PCDHGB7: variants seen among roughly 807,000 people sequenced by gnomAD.
PCDHGB7 encodes protocadherin gamma-B7.
In PCDHGB7, 37 loss-of-function variants were observed where a neutral mutation model predicts 61.4. The ratio of observed to expected loss-of-function variants is 0.60; its 90% CI spans 0.46 to 0.79. PCDHGB7 has a LOEUF of 0.79. PCDHGB7 is among the 30% of genes least tolerant of loss of function. The pLI, the probability that PCDHGB7 is intolerant of heterozygous loss-of-function variation, is 0.00. For synonymous variants in PCDHGB7, 464 were observed against 503.5 expected (o/e 0.92, Z 1.05); for missense variants, 1,166 against 1,202.5 (o/e 0.97, Z 0.45).
rs376937850 is a variant in PCDHGB7 at position 141,491,097 on chromosome 5, C to T, written c.2416-3710C>T. The T allele has an allele frequency of 1.2e-6, 2 of 1,614,170 alleles. No homozygotes were observed. Among genetic ancestry groups the T allele is most frequent in the Non-Finnish European group, 1.7e-6 (2 of 1,180,018 alleles). On this transcript the variant is annotated intron_variant, in intron 1 of 3. Coordinates refer to ENST00000398594, the MANE Select transcript of PCDHGB7 (RefSeq NM_018927.4). The surrounding 1 kb of genome is among the most constrained non-coding windows in gnomAD (Gnocchi z 6.9). ...CACAGTCCACAGCCCCAGGACTGTT[C>T]CTCGTGTCTACACACACTGGTGAGG...
In PCDHGB7 at chr5:141,485,132, T is replaced by C. The variant is rs1020670896; in HGVS notation, c.2416-9675T>C. On this transcript the variant is annotated intron_variant, in intron 1 of 3. Transcript: ENST00000398594. This position sits in a 1 kb window ranked among gnomAD's most constrained non-coding sequence, Gnocchi z 5.7. ...GGCTGTTTGGGGCGGGTCGGCTTCATCCGCGTCTCAGGAGCAAGTAGAGAA... is the reference window on the plus strand; with the variant it reads ...GGCTGTTTGGGGCGGGTCGGCTTCACCCGCGTCTCAGGAGCAAGTAGAGAA... 8.1e-6 allele frequency: 12 copies of C among 1,489,136 alleles called. No individual in the cohort carries two copies. Among genetic ancestry groups the C allele is most frequent in the East Asian group, 2.3e-5 (1 of 44,214 alleles). The allele number at this position is 1,489,136 out of a possible 1,614,324, so 92.2% of individuals were successfully genotyped here.
intron 2 of PCDHGB7, among the ~76,000 whole-genome samples, chr5:141,500,705 T>A (rs1169100560): frequency 6.6e-6 from 1 of 152,220 alleles, no homozygotes; most frequent in Non-Finnish European, 1.5e-5. Context: ...TTGCAGTGTA[T>A]CATGAGAATT....
chr5:141,492,078 C>T (rs948391194), intron 1 of PCDHGB7: 4 of 483,290 alleles, frequency 8.3e-6, no homozygotes, highest in African/African-American at 2.0e-5. Flanking sequence ...GCGCCGGCTC[C>T]GGCACGCTTC....
rs766164142 is a variant in PCDHGB7, at chr5:141,477,910, G to T, written c.2416-16897G>T. ...TGTCACGGGTGGTAGGCTGGGACGC[G>T]GATGCAGGGCACAATGCCTGGCTCT... On this transcript the variant is annotated intron_variant, in intron 1 of 3. Transcript: ENST00000398594. This position sits in a 1 kb window ranked among gnomAD's most constrained non-coding sequence, Gnocchi z 4.9. The T allele has an allele frequency of 6.2e-7, 1 of 1,614,048 alleles. No individual in the cohort carries two copies. Among genetic ancestry groups the T allele is most frequent in the African/African-American group, 1.3e-5 (1 of 74,932 alleles).
At chr5:141,492,673 C>T (rs2099743035) in intron 1 of PCDHGB7, among the ~76,000 whole-genome samples, 1 of 152,250 alleles carries the variant, frequency 6.6e-6, no homozygotes, top group Non-Finnish European at 1.5e-5. Flanking sequence ...GGGACTCCGT[C>T]TCAAGGGTCG....
chr5:141,484,864 A>G, intron 1 of PCDHGB7: 1 of 263,722 alleles, frequency 3.8e-6, no homozygotes, highest in Non-Finnish European at 7.2e-6. Context: ...GGGGTGGGGG[A>G]GCGTGGAGGA....
intron 1 of PCDHGB7, among the ~76,000 whole-genome samples, chr5:141,436,884 G>T (rs1041906146): frequency 6.6e-6 from 1 of 152,190 alleles, no homozygotes; most frequent in Non-Finnish European, 1.5e-5. Context: ...AAAAGATGGG[G>T]GAAAGATTTT....
At position 141,486,408 on chromosome 5, in the gene PCDHGB7, C is replaced by G; in HGVS notation, c.2416-8399C>G. The G allele has an allele frequency of 1.2e-6, 2 of 1,614,156 alleles. No homozygotes were observed. The highest frequency in any genetic ancestry group is 1.7e-6 in the Non-Finnish European group (2 of 1,180,014). Reference sequence around the variant, plus strand: ...CAGTTCTCCCTGGTGACTGCTGGACCCTTGGATCGAGAGGCCAAATCTAGC... The same window carrying G: ...CAGTTCTCCCTGGTGACTGCTGGACGCTTGGATCGAGAGGCCAAATCTAGC... On this transcript the variant is annotated intron_variant, in intron 1 of 3. Transcript: ENST00000398594. This position sits in a 1 kb window ranked among gnomAD's most constrained non-coding sequence, Gnocchi z 5.0.
chr5:141,433,358 C>CGTAT, intron 1 of PCDHGB7: 1 of 503,368 alleles, frequency 2.0e-6, no homozygotes, highest in Non-Finnish European at 3.5e-6. Context: ...CTACTGTCTG[C>CGTAT]CTATCTATCT....
At chr5:141,510,334 C>G (rs1463634534) in intron 3 of PCDHGB7, among the ~76,000 whole-genome samples, 1 of 151,448 alleles carries the variant, frequency 6.6e-6, no homozygotes, top group African/African-American at 2.4e-5. Context: ...TCTTCACCCC[C>G]ACCCCACACA....
chr5:141,494,845 C>G lies in PCDHGB7; in HGVS notation c.2454C>G (p.Ala818=), dbSNP rs747484430. The part of the protein sequence containing the change: ...PPNTDWRFSQ[A]QRPGTSGSQN... Reference sequence around the variant, plus strand: ...ACACGGACTGGCGTTTCTCTCAGGCCCAGAGACCCGGCACCAGCGGGTAGG... The same window carrying G: ...ACACGGACTGGCGTTTCTCTCAGGCGCAGAGACCCGGCACCAGCGGGTAGG... The change falls in exon 2 of 4, where the codon GCC becomes GCG. Residue 818 remains alanine, a synonymous_variant. Transcript: ENST00000398594. 1.2e-6 allele frequency: 2 copies of G among 1,614,144 alleles called. No individual in the cohort carries two copies. The highest frequency in any genetic ancestry group is 1.7e-6 in the Non-Finnish European group (2 of 1,180,028).
Position 141,431,724 on chromosome 5 carries a change from T to C in PCDHGB7, c.2415+11450T>C, listed in dbSNP as rs758754345. The C allele has an allele frequency of 6.2e-7, 1 of 1,614,036 alleles. No individual in the cohort carries two copies. Among genetic ancestry groups the C allele is most frequent in the Non-Finnish European group, 8.5e-7 (1 of 1,180,036 alleles). On this transcript the variant is annotated intron_variant, in intron 1 of 3. Coordinates refer to ENST00000398594, the MANE Select transcript of PCDHGB7 (RefSeq NM_018927.4). This position sits in a 1 kb window ranked among gnomAD's most constrained non-coding sequence, Gnocchi z 4.8. The stretch of plus-strand genomic sequence containing the variant: ...TTCTACCAGATGGAAGTGCAAGCAA[T>C]GGATAATGCAGGATATTCTGCGCGA...
chr5:141,480,414 CA>C (rs10712552), intron 1 of PCDHGB7, among the ~76,000 whole-genome samples: 43,347 of 147,074 alleles, frequency 0.29, 6,620 homozygotes, highest in African/African-American at 0.4. Flanking sequence ...GACCCTGTCT[CA>C]AAAAAAAAAA....
chr5:141,445,975 G>A (rs1279186740), intron 1 of PCDHGB7, among the ~76,000 whole-genome samples: 1 of 152,124 alleles, frequency 6.6e-6, no homozygotes, highest in Non-Finnish European at 1.5e-5. Flanking sequence ...TGATTTATGA[G>A]GGTTATAAAT....
Position 141,487,291 on chromosome 5 carries a change from C to T in PCDHGB7, c.2416-7516C>T, listed in dbSNP as rs748961925. The stretch of plus-strand genomic sequence containing the variant: ...TGGCAATTTGCTTTGTCTCCTTTGG[C>T]TCATTCGTGGCACTACTCTCTAAGT... On this transcript the variant is annotated intron_variant, in intron 1 of 3. Transcript: ENST00000398594. This position sits in a 1 kb window ranked among gnomAD's most constrained non-coding sequence, Gnocchi z 5.0. The T allele has an allele frequency of 1.9e-5, 30 of 1,614,036 alleles. No homozygotes were observed. Among genetic ancestry groups the T allele is most frequent in the Non-Finnish European group, 2.5e-5 (30 of 1,180,020 alleles).
chr5:141,509,810 G>T (rs1272295976), intron 3 of PCDHGB7, among the ~76,000 whole-genome samples: 1 of 152,154 alleles, frequency 6.6e-6, no homozygotes, highest in East Asian at 1.9e-4. Flanking sequence ...ATAGAGCCGA[G>T]CTCTTCTCCA....
At chr5:141,475,866 C>T in intron 1 of PCDHGB7, 1 of 504,862 alleles carries the variant, frequency 2.0e-6, no homozygotes, top group South Asian at 2.9e-5. Context: ...GCTCATTCTT[C>T]GTGCAGTTAT....
chr5:141,428,361 C>G, intron 1 of PCDHGB7: 2 of 556,764 alleles, frequency 3.6e-6, no homozygotes, highest in Non-Finnish European at 6.6e-6. Context: ...TTTTGGCGGT[C>G]GCCTTGCACC....
intron 1 of PCDHGB7, among the ~76,000 whole-genome samples, chr5:141,455,489 A>T (rs925133619): frequency 3.9e-5 from 6 of 152,152 alleles, no homozygotes; most frequent in African/African-American, 4.8e-5. Context: ...GGTGGAGGTG[A>T]TGTCTGATTT....
Sources: allele counts gnomAD v4.1 joint callset (sites outside exome capture counted in the v4.1 genomes callset), GRCh38; gene constraint gnomAD v4.1.1; non-coding constraint Gnocchi (gnomAD v3.1); transcripts MANE v1.5; gene names NCBI Gene and HGNC (gene_info 2026-07-23, HGNC 2026-07-21).